Variants in MARCHF1 observed in about 807,000 individuals in gnomAD.
MARCHF1 encodes E3 ubiquitin-protein ligase MARCHF1.
Under a neutral mutation model 54.2 loss-of-function variants are expected in MARCHF1, and 40 were observed. The ratio of observed to expected loss-of-function variants is 0.74; its 90% CI spans 0.57 to 0.96. The LOEUF (loss-of-function observed/expected upper bound fraction) is 0.96, where lower values mean the gene tolerates loss of function less well. MARCHF1 is among the 40% of genes least tolerant of loss of function. MARCHF1 has a pLI of 0.00. For missense variants in MARCHF1, 586 were observed against 656.5 expected (o/e 0.89, Z 1.17); for synonymous variants, 236 against 236.3 (o/e 1.00, Z 0.01).
intron 1 of MARCHF1, among the ~76,000 whole-genome samples, chr4:164,320,569 C>T (rs1181983935): frequency 6.6e-6 from 1 of 152,106 alleles, no homozygotes; most frequent in East Asian, 1.9e-4. Context: ...TTTTACCACA[C>T]CTACGAATGT....
chr4:163,779,765 A>AT (rs1747410256), intron 4 of MARCHF1, among the ~76,000 whole-genome samples: 1 of 152,094 alleles, frequency 6.6e-6, no homozygotes, highest in African/African-American at 2.4e-5. Context: ...GAATGGAGAG[A>AT]TTCGTTTTCT....
At chr4:164,201,859 T>A (rs1228585061) in intron 1 of MARCHF1, among the ~76,000 whole-genome samples, 1 of 152,206 alleles carries the variant, frequency 6.6e-6, no homozygotes, top group African/African-American at 2.4e-5. Context: ...CTTTAACTTT[T>A]TTATTATGAC....
At chr4:164,299,336 T>A (rs1321724308) in intron 1 of MARCHF1, among the ~76,000 whole-genome samples, 1 of 152,126 alleles carries the variant, frequency 6.6e-6, no homozygotes, top group Non-Finnish European at 1.5e-5. Context: ...GCACTAAAAG[T>A]CCTGACAACT....
chr4:164,152,644 G>T (rs2110913050), intron 1 of MARCHF1, among the ~76,000 whole-genome samples: 1 of 152,052 alleles, frequency 6.6e-6, no homozygotes, highest in Non-Finnish European at 1.5e-5. Context: ...TTCCTTCCCA[G>T]ATCCAGGAGA....
Position 163,528,591 on chromosome 4 carries a change from TTTTTC to T in MARCHF1, c.*152_*156del, listed in dbSNP as rs1738227157. 1.4e-6 allele frequency: 1 copy of T among 722,986 alleles called. No individual in the cohort carries two copies. The highest frequency in any genetic ancestry group is 2.2e-6 in the Non-Finnish European group (1 of 450,394). The allele number at this position is 722,986 out of a possible 1,614,324, so 44.8% of individuals were successfully genotyped here. A position where few individuals can be genotyped will look rare whatever the true frequency, so the allele number is the denominator to read the frequency against. On this transcript the variant is annotated 3_prime_UTR_variant, in exon 10 of 10. Coordinates refer to ENST00000514618, the MANE Select transcript of MARCHF1 (RefSeq NM_001394959.1). ...GGCTCCTGGGCATTTGGTCTGTTTGTTTTTCTCCTTTCCTCTTTGAACAAAGTCAG... is the reference window on the plus strand; with the variant it reads ...GGCTCCTGGGCATTTGGTCTGTTTGTTCCTTTCCTCTTTGAACAAAGTCAG...
At chr4:164,178,311 T>G (rs1430979) in intron 1 of MARCHF1, among the ~76,000 whole-genome samples, 97,130 of 152,004 alleles carry the variant, frequency 0.64, 33,735 homozygotes, top group Non-Finnish European at 0.81. Flanking sequence ...CCTTGATACA[T>G]CCAGAGTAGA....
At chr4:163,786,439 A>C (rs1050462511) in intron 4 of MARCHF1, among the ~76,000 whole-genome samples, 1 of 151,982 alleles carries the variant, frequency 6.6e-6, no homozygotes, top group Non-Finnish European at 1.5e-5. Context: ...TCTCCCTCTA[A>C]GTAATGTAGA....
At chr4:163,954,069 G>A (rs903947523) in intron 3 of MARCHF1, among the ~76,000 whole-genome samples, 4 of 152,168 alleles carry the variant, frequency 2.6e-5, no homozygotes, top group Non-Finnish European at 4.4e-5. Flanking sequence ...ACAATAGGTT[G>A]TGTACAGTAA....
chr4:163,664,787 C>T (rs1288222387), intron 5 of MARCHF1, among the ~76,000 whole-genome samples: 1 of 151,726 alleles, frequency 6.6e-6, no homozygotes, highest in Non-Finnish European at 1.5e-5. Context: ...TTTTAATAAC[C>T]ATAGGCTACA....
At chr4:163,872,937 G>A (rs900076566) in intron 3 of MARCHF1, among the ~76,000 whole-genome samples, 3 of 152,012 alleles carry the variant, frequency 2.0e-5, no homozygotes, top group East Asian at 1.9e-4. Flanking sequence ...CCAGCTACTC[G>A]GGAGGCTGAG....
chr4:163,998,567 G>A (rs924636870), intron 2 of MARCHF1, among the ~76,000 whole-genome samples: 2 of 151,574 alleles, frequency 1.3e-5, no homozygotes, highest in Non-Finnish European at 3.0e-5. Context: ...ATTAACTATA[G>A]TCACCATTGT....
chr4:163,956,597 A>G (rs1752237930), intron 3 of MARCHF1, among the ~76,000 whole-genome samples: 3 of 152,144 alleles, frequency 2.0e-5, no homozygotes, highest in Non-Finnish European at 4.4e-5. Context: ...AAAATAGGAA[A>G]GATATCAGTG....
chr4:164,045,205 C>A (rs1370710242), intron 2 of MARCHF1, among the ~76,000 whole-genome samples: 2 of 152,008 alleles, frequency 1.3e-5, no homozygotes, highest in African/African-American at 4.8e-5. Flanking sequence ...GTATAAATTT[C>A]ATTCATTTTA....
At chr4:163,531,326 G>A (rs994512719) in intron 9 of MARCHF1, among the ~76,000 whole-genome samples, 11 of 151,860 alleles carry the variant, frequency 7.2e-5, no homozygotes, top group Non-Finnish European at 1.6e-4. Context: ...GTTGGTTCAA[G>A]TTTCAGAAAT....
chr4:164,202,105 T>C (rs992500874), intron 1 of MARCHF1, among the ~76,000 whole-genome samples: 2 of 152,330 alleles, frequency 1.3e-5, no homozygotes, highest in African/African-American at 2.4e-5. Context: ...AACATTATGC[T>C]ATGTGTTTAT....
At chr4:163,589,543 C>T (rs1218365114) in intron 7 of MARCHF1, among the ~76,000 whole-genome samples, 4 of 151,808 alleles carry the variant, frequency 2.6e-5, no homozygotes, top group Non-Finnish European at 1.5e-5. Context: ...AATTTAAAAG[C>T]TAAATATCAA....
intron 4 of MARCHF1, among the ~76,000 whole-genome samples, chr4:163,719,291 TG>T (rs1745365147): frequency 6.6e-6 from 1 of 152,150 alleles, no homozygotes; most frequent in South Asian, 2.1e-4. Flanking sequence ...TTTGGTTTTT[TG>T]TTCTTGCGAT....
intron 2 of MARCHF1, among the ~76,000 whole-genome samples, chr4:163,999,335 A>G (rs1753141977): frequency 6.6e-6 from 1 of 151,770 alleles, no homozygotes; most frequent in Non-Finnish European, 1.5e-5. Flanking sequence ...TCATATTTGA[A>G]GCTTAAAGTT....
At chr4:163,591,213 G>A (rs1322987076) in intron 7 of MARCHF1, among the ~76,000 whole-genome samples, 1 of 151,854 alleles carries the variant, frequency 6.6e-6, no homozygotes, top group Non-Finnish European at 1.5e-5. Context: ...TATTTCCTGA[G>A]TGTATTGCAT....
Sources: gnomAD v4.1 joint callset for allele counts (sites outside exome capture counted in the v4.1 genomes callset) on GRCh38, gnomAD v4.1.1 for gene constraint, MANE v1.5 for transcripts, NCBI Gene and HGNC (gene_info 2026-07-23, HGNC 2026-07-21) for gene names.